ZNF600: variants seen among roughly 807,000 people sequenced by gnomAD.
ZNF600 encodes the protein zinc finger protein KR-ZNF1.
A neutral mutation model predicts 7.3 loss-of-function variants in ZNF600; 4 were observed. The observed-to-expected ratio is 0.55, with a 90% CI of 0.27 to 1.25. ZNF600 has a LOEUF of 1.25. Among genes scored for constraint, ZNF600 ranks in the 50% most tolerant of loss-of-function variants. The pLI is 0.12. For missense variants in ZNF600, 911 were observed against 922.1 expected, an observed-to-expected ratio of 0.99 and a Z score of 0.16; for synonymous variants, 290 against 308.9, an observed-to-expected ratio of 0.94 and a Z score of 0.64.
Position 52,785,607 on chromosome 19 carries a change from A to G in ZNF600, c.-20+988T>C, listed in dbSNP as rs538090645. On this transcript the variant is annotated intron_variant, in intron 1 of 3. Coordinates refer to ENST00000648973, the Ensembl canonical transcript of ZNF600. ...TCTTTCAATCTTCCTCAATGTCTAT[A>G]TATTACAGCCTCTTCTCTTATCTCT... Among the ~76,000 whole-genome samples the G allele has an allele frequency of 7.2e-5, 11 of 152,054 alleles. No homozygotes were observed. The East Asian group carries it at 1.2e-3, about 16-fold the overall frequency.
chr19:52,800,716 G>A, the ZNF600 span: 1 of 1,613,650 alleles, frequency 6.2e-7, no homozygotes, highest in Non-Finnish European at 8.5e-7. Flanking sequence ...TCTCCAGTAT[G>A]AAGCCTACGA....
chr19:52,824,298 C>A, the ZNF600 span, among the ~76,000 whole-genome samples: 4 of 152,116 alleles, frequency 2.6e-5, no homozygotes, highest in East Asian at 7.7e-4. Flanking sequence ...GTCTACCTGC[C>A]GGTTGGCTGA....
At chr19:52,808,351 AT>A in the ZNF600 span, among the ~76,000 whole-genome samples, 4 of 152,220 alleles carry the variant, frequency 2.6e-5, no homozygotes, top group Non-Finnish European at 5.9e-5. Flanking sequence ...AATTCAAGAA[AT>A]AAATAAAAAA....
At chr19:52,794,977 T>G in the ZNF600 span, among the ~76,000 whole-genome samples, 5 of 152,226 alleles carry the variant, frequency 3.3e-5, no homozygotes, top group Non-Finnish European at 5.9e-5. Flanking sequence ...GAAAAATGAT[T>G]GTAATACGTT....
chr19:52,787,866 AAAAAAGAAAAAG>A (rs1204035340), upstream of ZNF600, among the ~76,000 whole-genome samples: 3 of 106,298 alleles, frequency 2.8e-5, no homozygotes, highest in South Asian at 2.4e-4. Context: ...TCTCAAAAAA[AAAAAAGAAAAAG>A]AAAAAGAAAA....
At chr19:52,808,392 T>G in the ZNF600 span, among the ~76,000 whole-genome samples, 11 of 152,316 alleles carry the variant, frequency 7.2e-5, no homozygotes, top group African/African-American at 2.6e-4. Context: ...ATAAAAATGT[T>G]TGAAACTTTT....
chr19:52,765,641 C>T, exon 4 of ZNF600: 1 of 1,613,812 alleles, frequency 6.2e-7, no homozygotes, highest in Non-Finnish European at 8.5e-7. Context: ...GTGTTGACTG[C>T]TTGCTAAAGG....
At chr19:52,820,747 T>C in the ZNF600 span, among the ~76,000 whole-genome samples, 1 of 152,222 alleles carries the variant, frequency 6.6e-6, no homozygotes, top group Non-Finnish European at 1.5e-5. Flanking sequence ...AGCTTTTCTC[T>C]ACATTTCTCC....
upstream of ZNF600, among the ~76,000 whole-genome samples, chr19:52,787,256 G>C (rs2062772543): frequency 1.3e-5 from 2 of 151,738 alleles, no homozygotes; most frequent in South Asian, 2.1e-4. Flanking sequence ...AGGGATGCGG[G>C]CACGAGGCGG....
the ZNF600 span, chr19:52,807,792 C>T: frequency 9.4e-6 from 8 of 853,014 alleles, no homozygotes; most frequent in South Asian, 7.5e-5. Context: ...AAGTTTTATG[C>T]CTACTTTACT....
At chr19:52,788,437 A>C (rs1347427617), upstream of ZNF600, among the ~76,000 whole-genome samples, 1 of 152,164 alleles carries the variant, frequency 6.6e-6, no homozygotes, top group Non-Finnish European at 1.5e-5. Flanking sequence ...AAAAAAAAAT[A>C]CGAGATTTAA....
intron 3 of ZNF600, among the ~76,000 whole-genome samples, chr19:52,770,763 T>A (rs1367126932): frequency 6.6e-6 from 1 of 152,164 alleles, no homozygotes; most frequent in African/African-American, 2.4e-5. Context: ...GCAGTTGGGG[T>A]CTTTTAGAGA....
intron 2 of ZNF600, among the ~76,000 whole-genome samples, chr19:52,776,659 C>G (rs919370640): frequency 1.3e-5 from 2 of 152,094 alleles, no homozygotes; most frequent in Non-Finnish European, 2.9e-5. Context: ...ATCTACCTGC[C>G]TCAGCCTTCC....
At chr19:52,767,120 G>T (rs1428337896) in exon 4 of ZNF600, 1 of 1,613,862 alleles carries the variant, frequency 6.2e-7, no homozygotes, top group Non-Finnish European at 8.5e-7. Context: ...TCTCTCCAGT[G>T]TGACATCTAC....
the ZNF600 span, among the ~76,000 whole-genome samples, chr19:52,811,471 C>A: frequency 6.8e-6 from 1 of 147,954 alleles, no homozygotes; most frequent in Non-Finnish European, 1.5e-5. Context: ...CGCCGCCATC[C>A]CATCTAGGAA....
At chr19:52,767,668 C>T in exon 4 of ZNF600, 1 of 1,614,080 alleles carries the variant, frequency 6.2e-7, no homozygotes, top group South Asian at 1.1e-5. Flanking sequence ...CAAAAATCTC[C>T]AATGTGATAA....
chr19:52,828,827 T>C, the ZNF600 span, among the ~76,000 whole-genome samples: 2 of 152,182 alleles, frequency 1.3e-5, no homozygotes, highest in African/African-American at 4.8e-5. Context: ...TGACTACTCA[T>C]GAATAAGACC....
chr19:52,822,226 C>T, the ZNF600 span, among the ~76,000 whole-genome samples: 1 of 151,926 alleles, frequency 6.6e-6, no homozygotes, highest in South Asian at 2.1e-4. Flanking sequence ...GCACACCCAC[C>T]ATGCCCGGTT....
the ZNF600 span, among the ~76,000 whole-genome samples, chr19:52,825,692 A>G: frequency 3.3e-5 from 5 of 152,214 alleles, no homozygotes; most frequent in East Asian, 9.7e-4. Flanking sequence ...AACAACAACA[A>G]AAAAATCATT....
Sources: gnomAD v4.1 joint callset for allele counts (sites outside exome capture counted in the v4.1 genomes callset) on GRCh38, gnomAD v4.1.1 for gene constraint, MANE v1.5 for transcripts, NCBI Gene and HGNC (gene_info 2026-07-23, HGNC 2026-07-21) for gene names.